Variants in PHF2 observed in about 807,000 individuals in gnomAD.
PHF2 encodes the protein lysine-specific demethylase PHF2.
PHF2 carries 27 observed loss-of-function variants against 120.5 expected under a neutral mutation model. That is an observed-to-expected ratio of 0.22 (90% CI 0.17 to 0.31). The LOEUF is 0.31. Ranked by LOEUF, PHF2 falls within the 10% of genes least tolerant of loss-of-function variation. The probability of loss-of-function intolerance (pLI) is 1.00; values close to 1 mark genes in which losing one functional copy is unlikely to be tolerated. For synonymous variants in PHF2, 568 were observed against 592.5 expected, an observed-to-expected ratio of 0.96 and a Z score of 0.60; for missense variants, 1,024 against 1,434.8, an observed-to-expected ratio of 0.71 and a Z score of 4.63.
At chr9:93,619,945 C>T (rs1825798186) in intron 1 of PHF2, among the ~76,000 whole-genome samples, 1 of 152,202 alleles carries the variant, frequency 6.6e-6, no homozygotes, top group African/African-American at 2.4e-5. Flanking sequence ...TGGGTTTTCT[C>T]CTGGTCTGGT....
At chr9:93,628,667 C>A (rs1825950442) in intron 1 of PHF2, among the ~76,000 whole-genome samples, 1 of 152,166 alleles carries the variant, frequency 6.6e-6, no homozygotes, top group Admixed American at 6.5e-5. Context: ...CCCTGACCCC[C>A]TGCTGTGGCG....
chr9:93,663,575 C>T lies in PHF2; in HGVS notation c.1877C>T (p.Pro626Leu), dbSNP rs755832178. ...MEEEQKLEKS[P>L]LAGNKDNKFS... ...GAGGAGCAGAAGCTAGAGAAGTCGC[C>T]TCTAGCTGGAAACAAAGACAATAAG... Residue 626 changes from proline (P) to leucine (L), a missense_variant, in exon 14 of 22, where the codon CCT becomes CTT. Coordinates refer to ENST00000359246, the MANE Select transcript of PHF2 (RefSeq NM_005392.4). 6 of 1,613,694 alleles carry T rather than the reference C, an allele frequency of 3.7e-6. No individual in the cohort carries two copies. Among genetic ancestry groups the T allele is most frequent in the Non-Finnish European group, 5.1e-6 (6 of 1,179,726 alleles).
At chr9:93,648,038 A>G (rs1183339399) in intron 4 of PHF2, among the ~76,000 whole-genome samples, 1 of 152,230 alleles carries the variant, frequency 6.6e-6, no homozygotes, top group Non-Finnish European at 1.5e-5. Context: ...CGTAAGACCC[A>G]GTTTAATTCT....
At chr9:93,593,084 C>CAAAAAAAAA (rs200919035) in intron 1 of PHF2, among the ~76,000 whole-genome samples, 3 of 83,380 alleles carry the variant, frequency 3.6e-5, no homozygotes, top group African/African-American at 1.1e-4. Flanking sequence ...TCCTTTATGC[C>CAAAAAAAAA]AAAAAAAAAA....
intron 1 of PHF2, among the ~76,000 whole-genome samples, chr9:93,621,029 T>C (rs1050573929): frequency 6.6e-5 from 10 of 152,262 alleles, no homozygotes; most frequent in Middle Eastern, 3.2e-3. Context: ...AGAGCCAGGC[T>C]GAATGCCCTG....
At chr9:93,662,345 G>A (rs1227442278) in intron 12 of PHF2, among the ~76,000 whole-genome samples, 1 of 151,618 alleles carries the variant, frequency 6.6e-6, no homozygotes, top group Admixed American at 6.6e-5. Flanking sequence ...ATGAACAAAT[G>A]GATGGATGGA....
At chr9:93,577,867 C>T (rs1259701619) in intron 1 of PHF2, among the ~76,000 whole-genome samples, 4 of 152,262 alleles carry the variant, frequency 2.6e-5, no homozygotes, top group East Asian at 3.9e-4. Flanking sequence ...CAAACTGCTC[C>T]AACAGGTTCT....
At chr9:93,651,803 G>A (rs898563344) in intron 5 of PHF2, among the ~76,000 whole-genome samples, 4 of 152,232 alleles carry the variant, frequency 2.6e-5, no homozygotes, top group Admixed American at 6.5e-5. Context: ...GCCAAGCAAG[G>A]GAAAGAAGGA....
chr9:93,620,343 C>T (rs1218496689), intron 1 of PHF2, among the ~76,000 whole-genome samples: 1 of 152,184 alleles, frequency 6.6e-6, no homozygotes, highest in East Asian at 1.9e-4. Context: ...TGCATCCCCA[C>T]GCTGGGGCAG....
chr9:93,576,897 C>T, intron 1 of PHF2, 26 bp downstream of exon 1: 2 of 880,604 alleles, frequency 2.3e-6, no homozygotes, highest in Non-Finnish European at 2.9e-6. Flanking sequence ...CTGCTCGGCT[C>T]GGCCCGGCCC....
chr9:93,630,409 C>T (rs569789646), intron 2 of PHF2, among the ~76,000 whole-genome samples: 1 of 152,308 alleles, frequency 6.6e-6, no homozygotes, highest in Non-Finnish European at 1.5e-5. Flanking sequence ...GGCCCCCAGC[C>T]TAGCCCGGCC....
rs760753674 is a variant in PHF2, at chr9:93,654,520, C to G, written c.897C>G (p.Val299=). Residue 299 remains valine (V), a synonymous_variant, in exon 7 of 22, where the codon GTC becomes GTG. Coordinates refer to ENST00000359246, the MANE Select transcript of PHF2 (RefSeq NM_005392.4). ...GCGAGATGTTCTTTGCTGACCAGGT[C>G]GACAAATGCTACAAGTGCATCGTCA... ...NHSEMFFADQ[V]DKCYKCIVKQ... 5 of 1,614,092 alleles carry G rather than the reference C, an allele frequency of 3.1e-6. No homozygotes were observed. Among genetic ancestry groups the G allele is most frequent in the Non-Finnish European group, 3.4e-6 (4 of 1,180,014 alleles).
intron 2 of PHF2, among the ~76,000 whole-genome samples, chr9:93,633,775 G>T (rs1826046435): frequency 6.6e-6 from 1 of 152,134 alleles, no homozygotes; most frequent in Non-Finnish European, 1.5e-5. Context: ...GAGTGCAATT[G>T]GTGAAATAAT....
intron 1 of PHF2, among the ~76,000 whole-genome samples, chr9:93,589,778 G>A (rs1347909937): frequency 6.6e-6 from 1 of 152,142 alleles, no homozygotes; most frequent in East Asian, 1.9e-4. Flanking sequence ...CTGTCTCCCC[G>A]TTCTTCTCTC....
At chr9:93,585,001 T>C (rs1863011519) in intron 1 of PHF2, among the ~76,000 whole-genome samples, 1 of 152,240 alleles carries the variant, frequency 6.6e-6, no homozygotes, top group African/African-American at 2.4e-5. Context: ...CTATGGTAAG[T>C]GGTATTATTT....
intron 1 of PHF2, among the ~76,000 whole-genome samples, chr9:93,590,276 C>T (rs977956908): frequency 1.3e-5 from 2 of 152,182 alleles, no homozygotes; most frequent in African/African-American, 4.8e-5. Context: ...CTTTTAAATC[C>T]TTTCCTCCCT....
intron 1 of PHF2, among the ~76,000 whole-genome samples, chr9:93,610,852 CCCTGTGCATTGGG>C: frequency 6.6e-6 from 1 of 152,116 alleles, no homozygotes. Context: ...GAAGACTTCT[CCCTGTGCATTGGG>C]CCTCCTGCAG....
In PHF2 at chr9:93,593,104, AAAAAAAAG is replaced by A. The variant is rs1236038843; in HGVS notation, c.98+16241_98+16248del. On this transcript the variant is annotated intron_variant, in intron 1 of 21. Coordinates refer to ENST00000359246, the MANE Select transcript of PHF2 (RefSeq NM_005392.4). ...TATGCCAAAAAAAAAAAAAAAAAAA[AAAAAAAAG>A]AAAAAAAAAGGACTAAGAACAGATG... Among the ~76,000 whole-genome samples the A allele has an allele frequency of 2.6e-4, 5 of 18,974 alleles. No homozygotes were observed. The East Asian group carries it at 0.014, about 51-fold the overall frequency. The allele number at this position is 18,974 out of a possible 152,430, so 12.4% of individuals were successfully genotyped here. A position where few individuals can be genotyped will look rare whatever the true frequency, so the allele number is the denominator to read the frequency against.
chr9:93,629,881 A>T, intron 1 of PHF2, 89 bp from the exon 2 acceptor site: 1 of 1,264,150 alleles, frequency 7.9e-7, no homozygotes, highest in Admixed American at 1.7e-5. Flanking sequence ...CCAGACAATG[A>T]GCAGGGATTC....
Sources: gnomAD v4.1 joint callset for allele counts (sites outside exome capture counted in the v4.1 genomes callset) on GRCh38, gnomAD v4.1.1 for gene constraint, MANE v1.5 for transcripts, NCBI Gene and HGNC (gene_info 2026-07-23, HGNC 2026-07-21) for gene names.